XRN1: variants seen among roughly 807,000 people sequenced by gnomAD.
XRN1 encodes the protein 5'-3' exoribonuclease 1.
A neutral mutation model predicts 222.3 loss-of-function variants in XRN1; 67 were observed. The observed-to-expected ratio is 0.30, with a 90% CI of 0.25 to 0.37. The LOEUF is 0.37. XRN1 is among the 10% of genes least tolerant of loss of function. The pLI is 1.00. For synonymous variants in XRN1, 643 were observed against 652.4 expected, an observed-to-expected ratio of 0.99 and a Z score of 0.22; for missense variants, 1,707 against 2,000.2, an observed-to-expected ratio of 0.85 and a Z score of 2.80.
intron 33 of XRN1, among the ~76,000 whole-genome samples, chr3:142,346,577 C>T (rs1364828937): frequency 6.6e-6 from 1 of 151,794 alleles, no homozygotes; most frequent in African/African-American, 2.4e-5. Context: ...GCCCCCCAGG[C>T]TCAAGCAATC....
intron 2 of XRN1, among the ~76,000 whole-genome samples, chr3:142,432,183 A>T (rs1300417531): frequency 9.3e-6 from 1 of 107,752 alleles, no homozygotes; most frequent in Non-Finnish European, 2.1e-5. Context: ...AAAATGTTTT[A>T]TATATAAAAT....
rs905194113 is a variant in XRN1, at chr3:142,365,503, G to A, written c.3205-137C>T. ...TTTTTAAAATATTTAAAGTTCTGCA[G>A]CTGCAGCAAGAAGAAATAAACACAT... is the stretch of plus-strand genomic sequence containing the variant. On this transcript the variant is annotated intron_variant, in intron 27 of 40. Transcript: ENST00000392981. 1.4e-5 allele frequency: 8 copies of A among 564,048 alleles called. No individual in the cohort carries two copies. The South Asian group carries it at 4.5e-4, about 32-fold the overall frequency. The allele number at this position is 564,048 out of a possible 1,614,324, so 34.9% of individuals were successfully genotyped here. A position where few individuals can be genotyped will look rare whatever the true frequency, so the allele number is the denominator to read the frequency against.
chr3:142,370,758 G>T (rs1363570233), intron 26 of XRN1, 138 bp from the exon 27 acceptor site: 5 of 640,768 alleles, frequency 7.8e-6, no homozygotes, highest in Non-Finnish European at 1.2e-5. Flanking sequence ...ATATAAATAT[G>T]GACATGTTAC....
intron 20 of XRN1, among the ~76,000 whole-genome samples, chr3:142,388,356 T>C (rs996973268): frequency 6.6e-6 from 1 of 152,240 alleles, no homozygotes; most frequent in African/African-American, 2.4e-5. Context: ...ATATACAAAA[T>C]ATGCGTTATC....
intron 2 of XRN1, chr3:142,429,745 T>C (rs954924671): frequency 6.6e-6 from 1 of 152,340 alleles, no homozygotes; most frequent in African/African-American, 2.4e-5. Context: ...TGAAGCTAAG[T>C]GTCTTCATAT....
At chr3:142,417,277 C>A (rs772497159) in intron 12 of XRN1, 48 bp from the exon 13 acceptor site, 5 of 1,548,580 alleles carry the variant, frequency 3.2e-6, no homozygotes, top group Non-Finnish European at 3.6e-6. Context: ...AAGACAGGCC[C>A]GTGTCTTTAG....
chr3:142,400,476 A>G lies in XRN1; in HGVS notation c.2175T>C (p.Ala725=). Residue 725 remains alanine, a synonymous_variant, in exon 19 of 41, where the codon GCT becomes GCC. Transcript: ENST00000392981. ...VFVNWPHLEE[A]RVVAVSDGET... ...CTCCATCTGATACAGCCACGACTCT[A>G]GCTTCCTCAAGGTGAGGCCAATTAA... 3 of 1,612,544 alleles carry G rather than the reference A, an allele frequency of 1.9e-6. No homozygotes were observed. Among genetic ancestry groups the G allele is most frequent in the Non-Finnish European group, 2.5e-6 (3 of 1,179,180 alleles).
At chr3:142,397,207 C>T in intron 20 of XRN1, 122 bp downstream of exon 20, 1 of 940,348 alleles carries the variant, frequency 1.1e-6, no homozygotes, top group Non-Finnish European at 1.5e-6. Context: ...CTTTCTAAAA[C>T]AGGATGAAGG....
chr3:142,425,911 G>A (rs2069227774), intron 3 of XRN1, among the ~76,000 whole-genome samples: 3 of 151,258 alleles, frequency 2.0e-5, no homozygotes. Flanking sequence ...TTTTTTTAAG[G>A]CTTGCAGCTT....
At chr3:142,316,235 T>TTTTTTG (rs1560280116) in intron 39 of XRN1, among the ~76,000 whole-genome samples, 1 of 147,908 alleles carries the variant, frequency 6.8e-6, no homozygotes, top group African/African-American at 2.5e-5. Flanking sequence ...TTTTTTTTTT[T>TTTTTTG]GAGACAGGTC....
intron 37 of XRN1, among the ~76,000 whole-genome samples, chr3:142,324,387 T>G (rs2065456044): frequency 6.6e-6 from 1 of 151,948 alleles, no homozygotes; most frequent in Admixed American, 6.6e-5. Flanking sequence ...AGAATGATGG[T>G]TTCCAGCTTC....
At position 142,410,772 on chromosome 3, in the gene XRN1, G is replaced by T. The variant is rs570064352; in HGVS notation, c.1713+1772C>A. On this transcript the variant is annotated intron_variant, in intron 15 of 40. Transcript: ENST00000392981. Reference sequence around the variant, plus strand: ...GCCTCCCAAAGTGCTGGGATTACAGGCATGAGCCACCGTGCCCGGCCTCAT... The same window carrying T: ...GCCTCCCAAAGTGCTGGGATTACAGTCATGAGCCACCGTGCCCGGCCTCAT... Among the ~76,000 whole-genome samples the T allele has an allele frequency of 4.6e-5, 7 of 152,082 alleles. No homozygotes were observed. In the South Asian group the frequency reaches 1.2e-3, roughly 27 times the overall value.
At chr3:142,440,979 G>A (rs144510568) in intron 1 of XRN1, among the ~76,000 whole-genome samples, 224 of 152,234 alleles carry the variant, frequency 1.5e-3, no homozygotes, top group African/African-American at 4.9e-3. Flanking sequence ...CTTGTCCTTC[G>A]GTACGCGGAT....
chr3:142,448,020 G>C lies in XRN1; in HGVS notation c.-76C>G. On this transcript the variant is annotated 5_prime_UTR_variant, in exon 1 of 41. Transcript: ENST00000392981. ...CCGCCGGGGCTCCGCCGCAGCCTCC[G>C]GTCGTCGCTCCGCGGATGACAACAC... 5 of 1,498,970 alleles carry C rather than the reference G, an allele frequency of 3.3e-6. No individual in the cohort carries two copies. The highest frequency in any genetic ancestry group is 3.7e-6 in the Non-Finnish European group (4 of 1,083,476). The allele number at this position is 1,498,970 out of a possible 1,614,324, so 92.9% of individuals were successfully genotyped here. A position where few individuals can be genotyped will look rare whatever the true frequency, so the allele number is the denominator to read the frequency against.
chr3:142,312,550 CTT>C (rs1322010955), intron 40 of XRN1, 46 bp downstream of exon 40: 1 of 1,443,988 alleles, frequency 6.9e-7, no homozygotes, highest in Non-Finnish European at 9.2e-7. Context: ...TATCAATAGT[CTT>C]TCAGCATTAA....
At chr3:142,442,311 C>T (rs207463785) in intron 1 of XRN1, among the ~76,000 whole-genome samples, 6 of 151,894 alleles carry the variant, frequency 4.0e-5, no homozygotes, top group African/African-American at 1.5e-4. Flanking sequence ...CAGAAAGGAA[C>T]GGGAAATAGA....
chr3:142,379,592 C>T lies in XRN1; in HGVS notation c.2715+490G>A, dbSNP rs1001438269. Among the ~76,000 whole-genome samples the T allele has an allele frequency of 7.2e-5, 11 of 152,182 alleles. No homozygotes were observed. In the East Asian group the frequency reaches 7.7e-4, roughly 11 times the overall value. On this transcript the variant is annotated intron_variant, in intron 23 of 40. Transcript: ENST00000392981. ...TCTATTTTAACAAGAGAAAAGAACG[C>T]CAGTGGAATTTTTTGGTGAGAAGGT... is the stretch of plus-strand genomic sequence containing the variant.
At chr3:142,370,128 G>A (rs538551145) in intron 27 of XRN1, among the ~76,000 whole-genome samples, 1 of 151,338 alleles carries the variant, frequency 6.6e-6, no homozygotes, top group South Asian at 2.1e-4. Flanking sequence ...ACTTTCTACT[G>A]TAACTAAAAT....
Position 142,376,515 on chromosome 3 carries a change from G to A in XRN1, c.2795C>T (p.Thr932Ile). ...TCCTCTTCCAATAAAAATACTTCCT[G>A]TAAACCTTGAAACAAGGTATCCACT... ...GVSGYLVSRF[T>I]GSIFIGRGSR... Residue 932 changes from threonine (T) to isoleucine (I), a missense_variant, in exon 24 of 41, where the codon ACA (threonine) becomes ATA (isoleucine). Around this residue, in one of 2 missense-constraint regions of XRN1, gnomAD observed 1,234 missense variants for 1,518.2 expected, o/e 0.81. Transcript: ENST00000392981. The A allele has an allele frequency of 6.2e-7, 1 of 1,612,912 alleles. No individual in the cohort carries two copies. Among genetic ancestry groups the A allele is most frequent in the Admixed American group, 1.7e-5 (1 of 59,970 alleles).
Sources: gnomAD v4.1 joint callset for allele counts (sites outside exome capture counted in the v4.1 genomes callset) on GRCh38, gnomAD v4.1.1 for gene constraint, gnomAD v4.1.1 regional missense constraint, MANE v1.5 for transcripts, NCBI Gene and HGNC (gene_info 2026-07-23, HGNC 2026-07-21) for gene names.